ZNF678: variants seen among roughly 807,000 people sequenced by gnomAD.
ZNF678 encodes hypothetical protein MGC42493.
In ZNF678, 5 loss-of-function variants were observed where a neutral mutation model predicts 3.0. The ratio of observed to expected loss-of-function variants is 1.69; its 90% CI spans 0.88 to 3.56. The LOEUF (loss-of-function observed/expected upper bound fraction) is 3.56. Among genes scored for constraint, ZNF678 ranks in the 30% most tolerant of loss-of-function variants. ZNF678 has a pLI of 0.00. For synonymous variants in ZNF678, 218 were observed against 199.6 expected (o/e 1.09, Z -0.78); for missense variants, 593 against 605.0 (o/e 0.98, Z 0.21).
intron 1 of ZNF678, among the ~76,000 whole-genome samples, chr1:227,590,841 C>G (rs939022866): frequency 2.6e-5 from 4 of 151,718 alleles, no homozygotes; most frequent in Admixed American, 1.3e-4. Flanking sequence ...TTGAACTCCA[C>G]CATGTGGTCT....
At chr1:227,576,393 G>A (rs1200676554) in intron 1 of ZNF678, among the ~76,000 whole-genome samples, 1 of 152,104 alleles carries the variant, frequency 6.6e-6, no homozygotes, top group African/African-American at 2.4e-5. Context: ...CTGCTTTTTG[G>A]TTGGGAAGAT....
At chr1:227,599,043 T>C in intron 1 of ZNF678, 10 of 1,579,720 alleles carry the variant, frequency 6.3e-6, no homozygotes, top group Non-Finnish European at 8.7e-6. Context: ...CAGGTAGGCC[T>C]TGGTCGATTC....
intron 5 of ZNF678, among the ~76,000 whole-genome samples, chr1:227,669,285 A>T (rs1357974340): frequency 1.3e-5 from 2 of 152,216 alleles, no homozygotes; most frequent in Non-Finnish European, 2.9e-5. Flanking sequence ...AGTAAGACAT[A>T]CAAGTGGCCA....
intron 1 of ZNF678, among the ~76,000 whole-genome samples, chr1:227,606,041 G>A (rs1018193505): frequency 2.6e-5 from 4 of 152,236 alleles, no homozygotes; most frequent in South Asian, 2.1e-4. Flanking sequence ...CCTCCACACC[G>A]GTGGGTATTT....
chr1:227,592,726 A>G (rs1352619100), intron 1 of ZNF678, among the ~76,000 whole-genome samples: 2 of 152,224 alleles, frequency 1.3e-5, no homozygotes, highest in African/African-American at 4.8e-5. Flanking sequence ...ATCTAAATAG[A>G]TGTGAGAGTT....
At chr1:227,626,414 G>A (rs1658417076) in intron 1 of ZNF678, among the ~76,000 whole-genome samples, 1 of 152,180 alleles carries the variant, frequency 6.6e-6, no homozygotes, top group Admixed American at 6.5e-5. Context: ...TCCAGGGATG[G>A]GGAGTTGGAG....
At position 227,598,017 on chromosome 1, in the gene ZNF678, G is replaced by T. The variant is rs550979021; in HGVS notation, c.-164+34293G>T. On this transcript the variant is annotated intron_variant, in intron 1 of 3. Coordinates refer to ENST00000343776, the MANE Select transcript of ZNF678 (RefSeq NM_001367909.1). ...AAATATGCTTCTCTACAGAGTAAGGGTTTTGAAATATTAATGTAATCCCTC... is the reference window on the plus strand; with the variant it reads ...AAATATGCTTCTCTACAGAGTAAGGTTTTTGAAATATTAATGTAATCCCTC... Among the ~76,000 whole-genome samples, 5 of 152,322 alleles carry T rather than the reference G, an allele frequency of 3.3e-5. No homozygotes were observed. In the South Asian group the frequency reaches 8.3e-4, roughly 25 times the overall value.
chr1:227,626,795 T>C (rs1001749686), intron 1 of ZNF678, among the ~76,000 whole-genome samples: 1 of 152,048 alleles, frequency 6.6e-6, no homozygotes, highest in Non-Finnish European at 1.5e-5. Flanking sequence ...TAAGTGATAT[T>C]GTATGTCTAA....
intron 1 of ZNF678, among the ~76,000 whole-genome samples, chr1:227,616,586 G>T (rs1658147543): frequency 6.6e-6 from 1 of 152,176 alleles, no homozygotes; most frequent in South Asian, 2.1e-4. Context: ...AAGGTGAAAG[G>T]TGTTTTTGCC....
chr1:227,633,553 T>TC (rs1041013674), intron 1 of ZNF678, among the ~76,000 whole-genome samples: 2 of 152,142 alleles, frequency 1.3e-5, no homozygotes, highest in Non-Finnish European at 2.9e-5. Context: ...GCTAATCCTG[T>TC]TTCTCACAGA....
downstream of ZNF678, among the ~76,000 whole-genome samples, chr1:227,678,630 A>C (rs73099302): frequency 0.011 from 1,652 of 152,256 alleles, 33 homozygotes; most frequent in African/African-American, 0.038. Flanking sequence ...TTACCATCCA[A>C]TGGGACTAGG....
At chr1:227,624,128 T>C (rs773424967) in intron 1 of ZNF678, among the ~76,000 whole-genome samples, 10 of 152,244 alleles carry the variant, frequency 6.6e-5, no homozygotes, top group Admixed American at 5.2e-4. Context: ...AAAATACTTA[T>C]CTGTTTGGAC....
intron 3 of ZNF678, among the ~76,000 whole-genome samples, chr1:227,652,533 C>T (rs547051616): frequency 1.3e-5 from 2 of 152,042 alleles, no homozygotes; most frequent in Non-Finnish European, 2.9e-5. Flanking sequence ...CTCTCTTCTT[C>T]TGTGTGTGTT....
chr1:227,578,161 C>T (rs1447585988), intron 1 of ZNF678, among the ~76,000 whole-genome samples: 2 of 152,128 alleles, frequency 1.3e-5, no homozygotes, highest in Admixed American at 6.5e-5. Flanking sequence ...CTCCAGCTGT[C>T]TTTAACATTT....
At chr1:227,646,718 C>G in intron 2 of ZNF678, 48 bp downstream of exon 2, 12 of 1,339,610 alleles carry the variant, frequency 9.0e-6, no homozygotes, top group Non-Finnish European at 1.2e-5. Context: ...ACTACGGATT[C>G]CATATTTTTC....
chr1:227,589,375 A>G (rs1266971325), intron 1 of ZNF678, among the ~76,000 whole-genome samples: 1 of 151,788 alleles, frequency 6.6e-6, no homozygotes, highest in South Asian at 2.1e-4. Context: ...CTAGCCAGTT[A>G]TCTTAGCCCC....
At chr1:227,589,809 G>A (rs954424104) in intron 1 of ZNF678, among the ~76,000 whole-genome samples, 5 of 151,804 alleles carry the variant, frequency 3.3e-5, no homozygotes, top group East Asian at 3.8e-4. Context: ...GCACGGGGCC[G>A]GGCTTTCTGC....
rs56135481 is a variant in ZNF678, at chr1:227,635,515, T to TTGTGTGTGTGTGTGTGTGTGTG, written c.-163-11001_-163-10980dup. 6.8e-4 allele frequency among the ~76,000 whole-genome samples: 87 copies of TTGTGTGTGTGTGTGTGTGTGTG among 128,006 alleles called. 1 individual carries two copies. The highest frequency in any genetic ancestry group is 1.1e-3 in the South Asian group (4 of 3,506). 84.0% of individuals were successfully genotyped at this position (128,006 alleles called of 152,430 possible). On this transcript the variant is annotated intron_variant, in intron 1 of 3. Coordinates refer to ENST00000343776, the MANE Select transcript of ZNF678 (RefSeq NM_001367909.1). ...TACCAGGTGAATTTAGGGTGAACAT[T>TTGTGTGTGTGTGTGTGTGTGTG]TGTGTGTGTGTGTGTGTGTGTGTGT...
chr1:227,573,942 T>A (rs935438431), intron 1 of ZNF678, among the ~76,000 whole-genome samples: 2 of 152,218 alleles, frequency 1.3e-5, no homozygotes, highest in Non-Finnish European at 2.9e-5. Context: ...TCTGTTCCTG[T>A]GTTATTTTGC....
Sources: allele counts gnomAD v4.1 joint callset (sites outside exome capture counted in the v4.1 genomes callset), GRCh38; gene constraint gnomAD v4.1.1; transcripts MANE v1.5; gene names NCBI Gene and HGNC (gene_info 2026-07-23, HGNC 2026-07-21).